The following SLC8A1 variants were observed in gnomAD, a reference collection of about 807,000 sequenced individuals.
SLC8A1 encodes solute carrier family 8 member A1.
SLC8A1 carries 18 observed loss-of-function variants against 68.3 expected under a neutral mutation model. The observed-to-expected ratio is 0.26, with a 90% CI of 0.18 to 0.39. SLC8A1 has a LOEUF of 0.39. SLC8A1 is among the 10% of genes least tolerant of loss of function. SLC8A1 has a pLI of 1.00. For missense variants in SLC8A1, 985 were observed against 1,156.7 expected (o/e 0.85, Z 2.15); for synonymous variants, 475 against 415.5 (o/e 1.14, Z -1.74).
chr2:40,345,641 T>G (rs1669015987), intron 2 of SLC8A1, among the ~76,000 whole-genome samples: 1 of 152,124 alleles, frequency 6.6e-6, no homozygotes, highest in Admixed American at 6.6e-5. Context: ...AAAATCTGCA[T>G]TTTGAAAACC....
intron 6 of SLC8A1, among the ~76,000 whole-genome samples, chr2:40,155,438 T>C (rs2044296943): frequency 6.6e-6 from 1 of 152,164 alleles, no homozygotes; most frequent in African/African-American, 2.4e-5. Context: ...CCTAGCAGAA[T>C]TTTTAACTGC....
intron 3 of SLC8A1, 139 bp from the exon 4 acceptor site, chr2:40,175,420 C>A (rs1042153383): frequency 1.3e-6 from 1 of 743,576 alleles, no homozygotes. Flanking sequence ...GGGTATACCC[C>A]AAAGAAATAT....
chr2:40,321,472 G>A (rs1011424312), intron 2 of SLC8A1, among the ~76,000 whole-genome samples: 13 of 152,152 alleles, frequency 8.5e-5, no homozygotes, highest in African/African-American at 2.4e-4. Flanking sequence ...CTTACTATCT[G>A]TATTAGTCTG....
chr2:40,413,677 A>G (rs1412934168), intron 2 of SLC8A1, among the ~76,000 whole-genome samples: 1 of 152,178 alleles, frequency 6.6e-6, no homozygotes, highest in East Asian at 1.9e-4. Flanking sequence ...ACTACATATA[A>G]TATCACTGCA....
rs544351618 is a variant in SLC8A1 at position 40,182,288 on chromosome 2, G to A, written c.1809-4433C>T. On this transcript the variant is annotated intron_variant, in intron 2 of 7. Coordinates refer to ENST00000406785, the Ensembl canonical transcript of SLC8A1. ...GAACAAATAGAAAAACTGGTATCATGCAACTTTCAACTATTATAATTATTA... is the reference window on the plus strand; with the variant it reads ...GAACAAATAGAAAAACTGGTATCATACAACTTTCAACTATTATAATTATTA... Among the ~76,000 whole-genome samples, 55 of 152,242 alleles carry A rather than the reference G, an allele frequency of 3.6e-4. No individual in the cohort carries two copies. The South Asian group carries it at 6.8e-3, about 19-fold the overall frequency.
At position 40,248,854 on chromosome 2, in the gene SLC8A1, C is replaced by T. The variant is rs436010; in HGVS notation, c.1809-70999G>A. Among the ~76,000 whole-genome samples the T allele has an allele frequency of 2.5e-3, 374 of 152,068 alleles. 2 individuals carry two copies. Among genetic ancestry groups the T allele is most frequent in the African/African-American group, 8.4e-3 (350 of 41,474 alleles). On this transcript the variant is annotated intron_variant, in intron 2 of 7. Coordinates refer to ENST00000406785, the Ensembl canonical transcript of SLC8A1. Reference sequence around the variant, plus strand: ...GGATTTAGGTTCGTTTCTGGTTGGACGGAGTTGTATTATTTATCTATGCAT... The same window carrying T: ...GGATTTAGGTTCGTTTCTGGTTGGATGGAGTTGTATTATTTATCTATGCAT...
intron 7 of SLC8A1, among the ~76,000 whole-genome samples, chr2:40,133,708 C>CG (rs1329744873): frequency 1.3e-5 from 2 of 150,818 alleles, no homozygotes; most frequent in East Asian, 3.9e-4. Context: ...AAATCCCCCC[C>CG]CCCCACCGAC....
intron 2 of SLC8A1, among the ~76,000 whole-genome samples, chr2:40,212,287 T>G (rs1001506762): frequency 5.5e-5 from 8 of 144,996 alleles, no homozygotes; most frequent in East Asian, 2.0e-4. Context: ...CAATATCTTT[T>G]TTTTTTTTTT....
exon 8 of SLC8A1, chr2:40,108,039 A>T (rs1418204765): frequency 6.6e-6 from 1 of 152,160 alleles, no homozygotes; most frequent in Non-Finnish European, 1.5e-5. Flanking sequence ...TTTGGGCCAG[A>T]CTCAAGCTCA....
At chr2:40,494,076 C>G (rs929517821) in intron 1 of SLC8A1, among the ~76,000 whole-genome samples, 2 of 151,728 alleles carry the variant, frequency 1.3e-5, no homozygotes, top group African/African-American at 4.8e-5. Context: ...CCTCTGCAAT[C>G]ACTACAATAA....
intron 2 of SLC8A1, among the ~76,000 whole-genome samples, chr2:40,310,628 C>A (rs893756625): frequency 2.0e-5 from 3 of 152,108 alleles, no homozygotes; most frequent in African/African-American, 7.2e-5. Flanking sequence ...AAATTTAGAG[C>A]TATATTCTTT....
At chr2:40,347,203 T>C (rs187867281) in intron 2 of SLC8A1, among the ~76,000 whole-genome samples, 1 of 152,200 alleles carries the variant, frequency 6.6e-6, no homozygotes, top group Non-Finnish European at 1.5e-5. Flanking sequence ...GGTGCAATCA[T>C]AGCTCACTGC....
rs151068209 is a variant in SLC8A1 at position 40,481,910 on chromosome 2, A to G, written c.-25+30439T>C. On this transcript the variant is annotated intron_variant, in intron 1 of 7. Transcript: ENST00000402441. ...TTTTGAGTCAGGATTATATAGATCAAAATTTGAATTTCAGAGATGGAAGAG... is the reference window on the plus strand; with the variant it reads ...TTTTGAGTCAGGATTATATAGATCAGAATTTGAATTTCAGAGATGGAAGAG... Among the ~76,000 whole-genome samples the G allele has an allele frequency of 3.9e-3, 597 of 152,276 alleles. 3 individuals carry two copies. The highest frequency in any genetic ancestry group is 0.014 in the African/African-American group (573 of 41,548).
At chr2:40,253,239 G>A (rs10176641) in intron 2 of SLC8A1, among the ~76,000 whole-genome samples, 13,949 of 147,686 alleles carry the variant, frequency 0.094, 663 homozygotes, top group African/African-American at 0.11. Flanking sequence ...ATACATGTGC[G>A]TATATACACA....
rs1446447189 is a variant in SLC8A1, at chr2:40,264,414, G to T, written c.1809-86559C>A. Among the ~76,000 whole-genome samples the T allele has an allele frequency of 2.0e-5, 3 of 151,806 alleles. No homozygotes were observed. In the East Asian group the frequency reaches 5.8e-4, roughly 29 times the overall value. On this transcript the variant is annotated intron_variant, in intron 2 of 7. Coordinates refer to ENST00000406785, the Ensembl canonical transcript of SLC8A1. ...ACACATGCACACGTATGTTTATTGC[G>T]GCACTATTCACAATAGCAAAGACTT...
At chr2:40,175,401 G>A in intron 3 of SLC8A1, 120 bp from the exon 4 acceptor site, 2 of 910,718 alleles carry the variant, frequency 2.2e-6, no homozygotes, top group Non-Finnish European at 3.5e-6. Context: ...GGGAGCCACT[G>A]CTAAAAATGG....
intron 2 of SLC8A1, among the ~76,000 whole-genome samples, chr2:40,360,522 TGC>T (rs1447386583): frequency 6.6e-6 from 1 of 152,172 alleles, no homozygotes; most frequent in East Asian, 1.9e-4. Context: ...ATGTACTGTG[TGC>T]CAGCCTGTTC....
chr2:40,342,858 T>C (rs1025980262), intron 2 of SLC8A1, among the ~76,000 whole-genome samples: 2 of 151,818 alleles, frequency 1.3e-5, no homozygotes, highest in African/African-American at 4.8e-5. Context: ...TAAAATAGAG[T>C]ATTCGGGGTT....
chr2:40,418,527 G>T (rs1694551116), intron 2 of SLC8A1, among the ~76,000 whole-genome samples: 1 of 152,160 alleles, frequency 6.6e-6, no homozygotes, highest in Admixed American at 6.5e-5. Flanking sequence ...CAAAAGCACT[G>T]AGCCTCAGCT....
Sources: allele counts gnomAD v4.1 joint callset (sites outside exome capture counted in the v4.1 genomes callset), GRCh38; gene constraint gnomAD v4.1.1; transcripts MANE v1.5; gene names NCBI Gene and HGNC (gene_info 2026-07-23, HGNC 2026-07-21).